The following NEK7 variants were observed in gnomAD, a reference collection of about 807,000 sequenced individuals.
The protein encoded by NEK7 is NIMA related kinase 7, also known as serine/threonine-protein kinase Nek7.
A neutral mutation model predicts 44.6 loss-of-function variants in NEK7; 18 were observed. That is an observed-to-expected ratio of 0.40 (90% CI 0.28 to 0.60). The LOEUF (loss-of-function observed/expected upper bound fraction) is 0.60, where lower values mean the gene tolerates loss of function less well. NEK7 is among the 20% of genes least tolerant of loss of function. NEK7 has a pLI of 0.38. For missense variants in NEK7, 256 were observed against 366.5 expected (o/e 0.70, Z 2.46); for synonymous variants, 130 against 121.1 (o/e 1.07, Z -0.48).
At chr1:198,223,687 CTTG>C (rs550386596) in intron 1 of NEK7, among the ~76,000 whole-genome samples, 104 of 152,282 alleles carry the variant, frequency 6.8e-4, no homozygotes, top group African/African-American at 2.4e-3. Flanking sequence ...ACTGACATTA[CTTG>C]TTGTTAATGA....
chr1:198,244,650 AC>A (rs1666778765), intron 2 of NEK7, among the ~76,000 whole-genome samples: 1 of 152,138 alleles, frequency 6.6e-6, no homozygotes, highest in African/African-American at 2.4e-5. Context: ...GTTAATAAGA[AC>A]CCAGAACAGT....
intron 9 of NEK7, among the ~76,000 whole-genome samples, chr1:198,312,862 T>C (rs1056172404): frequency 6.6e-6 from 1 of 152,168 alleles, no homozygotes; most frequent in Non-Finnish European, 1.5e-5. Flanking sequence ...CTTCCAAGTA[T>C]GTGGTCAATT....
intron 7 of NEK7, among the ~76,000 whole-genome samples, chr1:198,292,543 G>A (rs1174057329): frequency 6.6e-6 from 1 of 151,574 alleles, no homozygotes; most frequent in African/African-American, 2.4e-5. Context: ...CTACTAAATT[G>A]TTATATTATT....
intron 3 of NEK7, chr1:198,256,346 T>A: frequency 6.2e-7 from 1 of 1,608,252 alleles, no homozygotes; most frequent in Non-Finnish European, 8.5e-7. Flanking sequence ...GTTACCTGTA[T>A]GGGAAAGAAG....
intron 1 of NEK7, among the ~76,000 whole-genome samples, chr1:198,209,325 ATGTTT>A (rs1233955967): frequency 6.6e-6 from 1 of 151,982 alleles, no homozygotes; most frequent in Non-Finnish European, 1.5e-5. Context: ...ATGCAAAGTG[ATGTTT>A]TTTATTTAGT....
intron 9 of NEK7, among the ~76,000 whole-genome samples, chr1:198,302,113 T>G (rs181309529): frequency 3.6e-4 from 55 of 152,278 alleles, no homozygotes; most frequent in African/African-American, 1.1e-3. Context: ...TCTGTTCATT[T>G]TATGACTTTA....
At chr1:198,184,840 AATTTATTTATTT>A (rs543627297) in intron 1 of NEK7, among the ~76,000 whole-genome samples, 3 of 151,732 alleles carry the variant, frequency 2.0e-5, no homozygotes, top group African/African-American at 4.8e-5. Context: ...GGCTAATTGA[AATTTATTTATTT>A]ATTTATTTAT....
At chr1:198,298,377 A>G (rs893919282) in intron 9 of NEK7, among the ~76,000 whole-genome samples, 1 of 152,232 alleles carries the variant, frequency 6.6e-6, no homozygotes, top group Non-Finnish European at 1.5e-5. Flanking sequence ...TTCCTAGAAT[A>G]TAATAGGCAC....
intron 5 of NEK7, among the ~76,000 whole-genome samples, chr1:198,270,503 A>C (rs550758586): frequency 1.3e-5 from 2 of 152,160 alleles, no homozygotes; most frequent in African/African-American, 4.8e-5. Context: ...ATGCAATACA[A>C]ATAATTTAAA....
chr1:198,159,037 G>C (rs969442287), intron 1 of NEK7, among the ~76,000 whole-genome samples: 4 of 152,202 alleles, frequency 2.6e-5, no homozygotes, highest in African/African-American at 9.6e-5. Context: ...TGTGTGTGCG[G>C]GGGTAGTGTT....
At chr1:198,162,032 T>C (rs924515788) in intron 1 of NEK7, among the ~76,000 whole-genome samples, 2 of 152,104 alleles carry the variant, frequency 1.3e-5, no homozygotes, top group Non-Finnish European at 2.9e-5. Flanking sequence ...GTAAAAAATA[T>C]TGGAAAGAGC....
At chr1:198,186,750 A>G (rs1221872094) in intron 1 of NEK7, among the ~76,000 whole-genome samples, 1 of 152,206 alleles carries the variant, frequency 6.6e-6, no homozygotes, top group Non-Finnish European at 1.5e-5. Context: ...TTTATCTCAT[A>G]CAACACTTGA....
At chr1:198,247,761 T>C (rs1229111699) in intron 2 of NEK7, among the ~76,000 whole-genome samples, 1 of 152,160 alleles carries the variant, frequency 6.6e-6, no homozygotes, top group Non-Finnish European at 1.5e-5. Context: ...ATAGTGACTC[T>C]TTGGCAGAAT....
At chr1:198,221,988 A>G (rs1392457511) in intron 1 of NEK7, among the ~76,000 whole-genome samples, 3 of 151,834 alleles carry the variant, frequency 2.0e-5, no homozygotes, top group South Asian at 4.2e-4. Flanking sequence ...TATATACAGT[A>G]TATTGTACTT....
chr1:198,310,038 G>GAACT (rs1174523724), intron 9 of NEK7, among the ~76,000 whole-genome samples: 1 of 151,478 alleles, frequency 6.6e-6, no homozygotes, highest in Non-Finnish European at 1.5e-5. Flanking sequence ...CACAATGGTT[G>GAACT]AACTAGTTTA....
intron 2 of NEK7, among the ~76,000 whole-genome samples, chr1:198,252,546 A>ATATG (rs1653069822): frequency 1.7e-5 from 1 of 58,942 alleles, no homozygotes; most frequent in African/African-American, 1.4e-4. Context: ...ATATATATAT[A>ATATG]TATATATATA....
rs1362741942 is a variant in NEK7 at position 198,320,137 on chromosome 1, TGA to T, written c.*617_*618del. The stretch of plus-strand genomic sequence containing the variant: ...AATGTGAAGATTTGGGGACAAAATG[TGA>T]GTCAGACACTGAAGAGTTTTTTGTT... On this transcript the variant is annotated 3_prime_UTR_variant, in exon 10 of 10. Transcript: ENST00000367385. 1 of 152,184 alleles carries T rather than the reference TGA, an allele frequency of 6.6e-6. No individual in the cohort carries two copies. Among genetic ancestry groups the T allele is most frequent in the Non-Finnish European group, 1.5e-5 (1 of 68,014 alleles). The allele number at this position is 152,184 out of a possible 1,614,324, so 9.4% of individuals were successfully genotyped here. A position where few individuals can be genotyped will look rare whatever the true frequency, so the allele number is the denominator to read the frequency against.
At chr1:198,289,776 T>C (rs1341988485) in intron 7 of NEK7, among the ~76,000 whole-genome samples, 5 of 152,218 alleles carry the variant, frequency 3.3e-5, no homozygotes, top group Non-Finnish European at 7.4e-5. Flanking sequence ...TAGCAACATG[T>C]TAGCAGAACT....
rs1191633958 is a variant in NEK7, at chr1:198,311,489, TGA to T, written c.799-7917_799-7916del. Among the ~76,000 whole-genome samples the T allele has an allele frequency of 2.0e-5, 3 of 151,284 alleles. No homozygotes were observed. The East Asian group carries it at 5.8e-4, about 29-fold the overall frequency. ...CCAACACTATGTTGAATAGGAGTGG[TGA>T]GAGAGGGCATCCCTGTCTTGTGCCC... On this transcript the variant is annotated intron_variant, in intron 9 of 9. Transcript: ENST00000367385.
Sources: allele counts gnomAD v4.1 joint callset (sites outside exome capture counted in the v4.1 genomes callset), GRCh38; gene constraint gnomAD v4.1.1; transcripts MANE v1.5; gene names NCBI Gene and HGNC (gene_info 2026-07-23, HGNC 2026-07-21).